The following SVOP variants were observed in gnomAD, a reference collection of about 807,000 sequenced individuals.
SVOP encodes synaptic vesicle 2-related protein.
In SVOP, 17 loss-of-function variants were observed where a neutral mutation model predicts 69.1. The observed-to-expected ratio is 0.25, with a 90% CI of 0.17 to 0.37. The LOEUF (loss-of-function observed/expected upper bound fraction) is 0.37, where lower values mean the gene tolerates loss of function less well. SVOP is among the 10% of genes least tolerant of loss of function. The pLI is 1.00. For missense variants in SVOP, 435 were observed against 597.5 expected (o/e 0.73, Z 2.84); for synonymous variants, 238 against 238.6 (o/e 1.00, Z 0.02).
rs2039682463 is a variant in SVOP at position 108,911,525 on chromosome 12, A to G, written c.*1010T>C. On this transcript the variant is annotated 3_prime_UTR_variant, in exon 16 of 16. Transcript: ENST00000610966. ...GGAGTTCGAGACCAGCCTGGCCAAC[A>G]TGGTGAAACCCTGTCTCTACTAAAA... 3 of 152,200 alleles carry G rather than the reference A, an allele frequency of 2.0e-5. No homozygotes were observed. The highest frequency in any genetic ancestry group is 2.0e-4 in the Admixed American group (3 of 15,256). 9.4% of individuals were successfully genotyped at this position (152,200 alleles called of 1,614,324 possible). A position where few individuals can be genotyped will look rare whatever the true frequency, so the allele number is the denominator to read the frequency against.
At chr12:108,964,282 G>T (rs2040033131) in intron 5 of SVOP, among the ~76,000 whole-genome samples, 1 of 152,066 alleles carries the variant, frequency 6.6e-6, no homozygotes, top group Admixed American at 6.5e-5. Flanking sequence ...TCTAGGAAGT[G>T]ATGATAATAA....
In SVOP at chr12:109,012,515, A is replaced by G. The variant is rs370099925; in HGVS notation, c.35+8319T>C. ...CAGAACAACATGTTCTACACCATAC[A>G]TATGTAATTTTTATTTGTCAATTTA... On this transcript the variant is annotated intron_variant, in intron 1 of 15. Coordinates refer to ENST00000610966, the MANE Select transcript of SVOP (RefSeq NM_018711.5). 4.1e-4 allele frequency among the ~76,000 whole-genome samples: 63 copies of G among 152,346 alleles called. 3 individuals carry two copies. The highest frequency in any genetic ancestry group is 1.4e-3 in the African/African-American group (58 of 41,588).
chr12:108,996,227 T>A (rs1198081053), intron 1 of SVOP, among the ~76,000 whole-genome samples: 1 of 152,124 alleles, frequency 6.6e-6, no homozygotes, highest in South Asian at 2.1e-4. Flanking sequence ...TGGTATAGCA[T>A]GGTCCTGTGA....
intron 2 of SVOP, among the ~76,000 whole-genome samples, chr12:108,981,485 C>T (rs2040134985): frequency 6.6e-6 from 1 of 152,178 alleles, no homozygotes; most frequent in Non-Finnish European, 1.5e-5. Flanking sequence ...CCATCAGCAA[C>T]AAGAAGTGAG....
chr12:108,979,795 T>A (rs2040126723), intron 2 of SVOP, among the ~76,000 whole-genome samples: 1 of 151,910 alleles, frequency 6.6e-6, no homozygotes, highest in African/African-American at 2.4e-5. Flanking sequence ...AATGTCTGAA[T>A]GCTTTCCAAA....
intron 11 of SVOP, among the ~76,000 whole-genome samples, chr12:108,930,506 C>T (rs1443408651): frequency 1.3e-5 from 2 of 149,512 alleles, no homozygotes; most frequent in East Asian, 2.0e-4. Flanking sequence ...GGCGTCTTCT[C>T]GGCTCACTGC....
chr12:109,012,585 CAGT>C (rs1489609282), intron 1 of SVOP, among the ~76,000 whole-genome samples: 1 of 151,968 alleles, frequency 6.6e-6, no homozygotes, highest in Non-Finnish European at 1.5e-5. Context: ...TTCATGTAAT[CAGT>C]AGTCAAACTG....
At position 108,941,529 on chromosome 12, in the gene SVOP, A is replaced by G. The variant is rs1347818285; in HGVS notation, c.643-620T>C. Among the ~76,000 whole-genome samples, 15 of 152,048 alleles carry G rather than the reference A, an allele frequency of 9.9e-5. No individual in the cohort carries two copies. In the East Asian group the frequency reaches 2.9e-3, roughly 30 times the overall value. On this transcript the variant is annotated intron_variant, in intron 7 of 15. Coordinates refer to ENST00000610966, the MANE Select transcript of SVOP (RefSeq NM_018711.5). ...AATTTTTTATTGTGGTAAAATACACATAACAAAATTTACCATCTTAATCAT... is the reference window on the plus strand; with the variant it reads ...AATTTTTTATTGTGGTAAAATACACGTAACAAAATTTACCATCTTAATCAT...
rs941958920 is a variant in SVOP at position 108,951,614 on chromosome 12, A to G, written c.579-6448T>C. ...CTCTTATCTGCCTTAAAGGGTCTAGAAAACTGTTAAGAACCACCAGCCTAC... is the reference window on the plus strand; with the variant it reads ...CTCTTATCTGCCTTAAAGGGTCTAGGAAACTGTTAAGAACCACCAGCCTAC... On this transcript the variant is annotated intron_variant, in intron 6 of 15. Coordinates refer to ENST00000610966, the MANE Select transcript of SVOP (RefSeq NM_018711.5). Among the ~76,000 whole-genome samples, 73 of 152,264 alleles carry G rather than the reference A, an allele frequency of 4.8e-4. 1 individual carries two copies. The highest frequency in any genetic ancestry group is 1.6e-3 in the African/African-American group (68 of 41,528).
chr12:108,955,075 G>T (rs1195656977), intron 6 of SVOP, among the ~76,000 whole-genome samples: 1 of 152,216 alleles, frequency 6.6e-6, no homozygotes, highest in Non-Finnish European at 1.5e-5. Flanking sequence ...TCCAGGAAAT[G>T]TGGAAGAAGA....
intron 1 of SVOP, among the ~76,000 whole-genome samples, chr12:108,985,068 A>C (rs1357346029): frequency 6.6e-5 from 10 of 151,968 alleles, no homozygotes; most frequent in Non-Finnish European, 2.9e-5. Flanking sequence ...CTCTACAAAA[A>C]AGAAAAAAAT....
intron 3 of SVOP, 141 bp downstream of exon 3, chr12:108,978,437 C>T (rs1331641698): frequency 3.4e-6 from 2 of 582,856 alleles, no homozygotes; most frequent in South Asian, 2.2e-5. Context: ...ACTTATTACG[C>T]CACATAAATT....
chr12:108,961,155 C>T (rs2040015858), intron 5 of SVOP, 108 bp from the exon 6 acceptor site: 2 of 1,369,726 alleles, frequency 1.5e-6, no homozygotes, highest in African/African-American at 2.9e-5. Flanking sequence ...AGGGAGCCTA[C>T]ACAACCAAGG....
chr12:108,979,310 G>A (rs1340830634), intron 2 of SVOP, among the ~76,000 whole-genome samples: 1 of 152,166 alleles, frequency 6.6e-6, no homozygotes, highest in African/African-American at 2.4e-5. Flanking sequence ...TACAATCATA[G>A]CTCAATGCAG....
rs565341986 is a variant in SVOP, at chr12:109,008,084, G to A, written c.35+12750C>T. Among the ~76,000 whole-genome samples the A allele has an allele frequency of 1.1e-3, 163 of 151,382 alleles. 4 individuals carry two copies. In the South Asian group the frequency reaches 0.02, roughly 19 times the overall value. ...TATAGACAACTAAGCTGAGGCTGGAGAGGTTACACCAATGGTTCCAGGTCT... is the reference window on the plus strand; with the variant it reads ...TATAGACAACTAAGCTGAGGCTGGAAAGGTTACACCAATGGTTCCAGGTCT... On this transcript the variant is annotated intron_variant, in intron 1 of 15. Coordinates refer to ENST00000610966, the MANE Select transcript of SVOP (RefSeq NM_018711.5).
intron 6 of SVOP, among the ~76,000 whole-genome samples, chr12:108,957,375 G>A (rs558760712): frequency 2.6e-5 from 4 of 152,234 alleles, no homozygotes; most frequent in African/African-American, 9.6e-5. Context: ...TGTCGGCCAG[G>A]ATGGTCTCGA....
chr12:108,939,379 T>C (rs2039876354), intron 8 of SVOP, among the ~76,000 whole-genome samples: 1 of 152,204 alleles, frequency 6.6e-6, no homozygotes. Flanking sequence ...CTCACCCCCA[T>C]TGTTCAAGGA....
chr12:108,964,335 C>T (rs188263835), intron 5 of SVOP, among the ~76,000 whole-genome samples: 46 of 152,162 alleles, frequency 3.0e-4, no homozygotes, highest in African/African-American at 1.1e-3. Context: ...ACTGTAACAT[C>T]GGTACTGGCC....
intron 1 of SVOP, among the ~76,000 whole-genome samples, chr12:109,007,187 T>A (rs1278792449): frequency 6.6e-6 from 1 of 152,188 alleles, no homozygotes; most frequent in Admixed American, 6.6e-5. Flanking sequence ...ATAACCAGTA[T>A]CCCTCAGCTT....
Sources: gnomAD v4.1 joint callset for allele counts (sites outside exome capture counted in the v4.1 genomes callset) on GRCh38, gnomAD v4.1.1 for gene constraint, MANE v1.5 for transcripts, NCBI Gene and HGNC (gene_info 2026-07-23, HGNC 2026-07-21) for gene names.